MCHR2: variants seen among roughly 807,000 people sequenced by gnomAD.
MCHR2 encodes melanin concentrating hormone receptor 2.
MCHR2 carries 15 observed loss-of-function variants against 24.8 expected under a neutral mutation model. That is an observed-to-expected ratio of 0.60 (90% CI 0.40 to 0.93). The LOEUF is 0.93. MCHR2 is among the 40% of genes least tolerant of loss of function. MCHR2 has a pLI of 0.00. For synonymous variants in MCHR2, 151 were observed against 147.6 expected, an observed-to-expected ratio of 1.02 and a Z score of -0.17; for missense variants, 386 against 408.7, an observed-to-expected ratio of 0.94 and a Z score of 0.48.
At chr6:99,983,073 A>G (rs1775701102) in intron 1 of MCHR2, among the ~76,000 whole-genome samples, 1 of 151,606 alleles carries the variant, frequency 6.6e-6, no homozygotes, top group Admixed American at 6.6e-5. Flanking sequence ...TAATCCTCTC[A>G]CCTCAGATTC....
intron 5 of MCHR2, among the ~76,000 whole-genome samples, chr6:99,933,223 C>G (rs1774582495): frequency 6.6e-6 from 1 of 152,022 alleles, no homozygotes; most frequent in Non-Finnish European, 1.5e-5. Flanking sequence ...AGAGTAGGCA[C>G]TATCATTCCT....
chr6:99,955,262 A>G (rs1338516244), intron 2 of MCHR2, among the ~76,000 whole-genome samples: 1 of 152,174 alleles, frequency 6.6e-6, no homozygotes, highest in African/African-American at 2.4e-5. Context: ...TCAAGTCCCT[A>G]GAAAACAAAT....
rs1449180066 is a variant in MCHR2, at chr6:99,919,815, C to T, written c.*1125G>A. 1 of 151,386 alleles carries T rather than the reference C, an allele frequency of 6.6e-6. No homozygotes were observed. The highest frequency in any genetic ancestry group is 1.5e-5 in the Non-Finnish European group (1 of 67,968). 9.4% of individuals were successfully genotyped at this position (151,386 alleles called of 1,614,324 possible). A position where few individuals can be genotyped will look rare whatever the true frequency, so the allele number is the denominator to read the frequency against. Reference sequence around the variant, plus strand: ...TGATCTCGGCTCACTGTAACCTCCACCTCCTGGGTTCAAGCAATTCTCCTG... The same window carrying T: ...TGATCTCGGCTCACTGTAACCTCCATCTCCTGGGTTCAAGCAATTCTCCTG... On this transcript the variant is annotated 3_prime_UTR_variant, in exon 6 of 6. Transcript: ENST00000281806.
intron 2 of MCHR2, among the ~76,000 whole-genome samples, chr6:99,954,353 A>G (rs1775019921): frequency 6.6e-6 from 1 of 152,148 alleles, no homozygotes; most frequent in Non-Finnish European, 1.5e-5. Flanking sequence ...TGCTGAAAAC[A>G]CCTATTAGGT....
intron 1 of MCHR2, among the ~76,000 whole-genome samples, chr6:99,963,230 G>A (rs770892693): frequency 5.3e-5 from 8 of 152,102 alleles, no homozygotes; most frequent in African/African-American, 1.2e-4. Context: ...AAACAGTGTG[G>A]AGGTTCCTCA....
chr6:99,972,497 C>T (rs1330874774), intron 1 of MCHR2, among the ~76,000 whole-genome samples: 1 of 151,974 alleles, frequency 6.6e-6, no homozygotes, highest in Admixed American at 6.6e-5. Context: ...TTTTGTTGAT[C>T]CTTTCAAAAA....
At chr6:99,953,277 C>T (rs1473801480) in intron 2 of MCHR2, among the ~76,000 whole-genome samples, 1 of 152,118 alleles carries the variant, frequency 6.6e-6, no homozygotes, top group African/African-American at 2.4e-5. Flanking sequence ...TGTGAAAATG[C>T]AAACATTTCG....
intron 3 of MCHR2, among the ~76,000 whole-genome samples, chr6:99,947,450 G>T (rs146883921): frequency 3.9e-5 from 6 of 152,196 alleles, no homozygotes; most frequent in African/African-American, 1.4e-4. Context: ...CTGTGAAATT[G>T]ATGGGGGGAA....
chr6:99,931,492 C>G (rs1187935782), intron 5 of MCHR2, among the ~76,000 whole-genome samples: 1 of 152,180 alleles, frequency 6.6e-6, no homozygotes, highest in Non-Finnish European at 1.5e-5. Context: ...TGGGCTCCAC[C>G]CAGTTCGAGC....
At chr6:99,969,191 G>A (rs1775346019) in intron 1 of MCHR2, among the ~76,000 whole-genome samples, 2 of 151,904 alleles carry the variant, frequency 1.3e-5, no homozygotes, top group South Asian at 2.1e-4. Context: ...TAGAAAACTC[G>A]AGGGCCAGGC....
At chr6:99,925,803 GTTATT>G (rs888721216) in intron 5 of MCHR2, among the ~76,000 whole-genome samples, 12 of 150,176 alleles carry the variant, frequency 8.0e-5, no homozygotes, top group Admixed American at 2.0e-4. Context: ...TGTTTTTTTT[GTTATT>G]TTATTTTATT....
chr6:99,946,024 T>TA lies in MCHR2; in HGVS notation c.392+1737_392+1738insT, dbSNP rs555913517. On this transcript the variant is annotated intron_variant, in intron 3 of 5. Transcript: ENST00000281806. ...TTTATAGGAGTATACCTGTTTATTT[T>TA]TTTTTTTTTCAAAAAAAGCCAATAT... is the stretch of plus-strand genomic sequence containing the variant. Among the ~76,000 whole-genome samples, 410 of 152,162 alleles carry TA rather than the reference T, an allele frequency of 2.7e-3. 2 individuals are homozygous for TA. The highest frequency in any genetic ancestry group is 9.5e-3 in the African/African-American group (393 of 41,556).
chr6:99,929,109 C>T (rs892625591), intron 5 of MCHR2, among the ~76,000 whole-genome samples: 3 of 152,138 alleles, frequency 2.0e-5, no homozygotes, highest in Admixed American at 1.3e-4. Context: ...AGTAGTCATT[C>T]AGGAGCAGGT....
At chr6:99,948,201 T>G (rs1774909352) in intron 2 of MCHR2, among the ~76,000 whole-genome samples, 1 of 152,196 alleles carries the variant, frequency 6.6e-6, no homozygotes, top group South Asian at 2.1e-4. Flanking sequence ...ATATTTGATA[T>G]TCCTTTCAGT....
chr6:99,983,431 AG>A (rs913359355), intron 1 of MCHR2, among the ~76,000 whole-genome samples: 5 of 152,126 alleles, frequency 3.3e-5, no homozygotes, highest in African/African-American at 1.2e-4. Flanking sequence ...TCCTTTTACT[AG>A]GCCCTATACA....
intron 5 of MCHR2, among the ~76,000 whole-genome samples, chr6:99,921,466 C>A (rs1271098445): frequency 6.6e-6 from 1 of 151,740 alleles, no homozygotes; most frequent in East Asian, 1.9e-4. Context: ...AACTTTTTTT[C>A]GTTGTTGTTA....
At chr6:99,947,701 A>G in intron 3 of MCHR2, 61 bp downstream of exon 3, 1 of 1,538,516 alleles carries the variant, frequency 6.5e-7, no homozygotes, top group Non-Finnish European at 8.8e-7. Context: ...AATTGGAATG[A>G]GCTTGGGGAA....
chr6:99,960,916 A>G (rs554823181), intron 1 of MCHR2, among the ~76,000 whole-genome samples: 70 of 152,296 alleles, frequency 4.6e-4, no homozygotes, highest in Non-Finnish European at 7.6e-4. Context: ...GGACATAGAC[A>G]TGGGCAAAGA....
chr6:99,930,665 T>C (rs565057448), intron 5 of MCHR2, among the ~76,000 whole-genome samples: 72 of 152,332 alleles, frequency 4.7e-4, no homozygotes, highest in African/African-American at 1.7e-3. Flanking sequence ...TCACGTAGTT[T>C]TTGAGCCTTG....
Sources: gnomAD v4.1 joint callset for allele counts (sites outside exome capture counted in the v4.1 genomes callset) on GRCh38, gnomAD v4.1.1 for gene constraint, MANE v1.5 for transcripts, NCBI Gene and HGNC (gene_info 2026-07-23, HGNC 2026-07-21) for gene names.